ARHGEF3: variants seen among roughly 807,000 people sequenced by gnomAD.
ARHGEF3 encodes 59.8 kDA protein.
A neutral mutation model predicts 63.2 loss-of-function variants in ARHGEF3; 28 were observed. The observed-to-expected ratio is 0.44, with a 90% CI of 0.33 to 0.61. The LOEUF (loss-of-function observed/expected upper bound fraction) is 0.61. Ranked by LOEUF, ARHGEF3 falls within the 20% of genes least tolerant of loss-of-function variation. The pLI is 0.03. For synonymous variants in ARHGEF3, 266 were observed against 254.2 expected, an observed-to-expected ratio of 1.05 and a Z score of -0.44; for missense variants, 533 against 659.3, an observed-to-expected ratio of 0.81 and a Z score of 2.10.
chr3:56,764,014 A>G (rs1257216903), intron 2 of ARHGEF3, among the ~76,000 whole-genome samples: 1 of 152,216 alleles, frequency 6.6e-6, no homozygotes, highest in African/African-American at 2.4e-5. Context: ...TGCAATAAAC[A>G]TAAAACCACA....
At chr3:56,915,208 CTTTGGGAGG>C (rs2041955179) in intron 3 of ARHGEF3, among the ~76,000 whole-genome samples, 1 of 152,028 alleles carries the variant, frequency 6.6e-6, no homozygotes, top group Non-Finnish European at 1.5e-5. Context: ...AACCCCAGCA[CTTTGGGAGG>C]CTGAAGCTTG....
chr3:56,791,728 G>C (rs926086248), intron 1 of ARHGEF3, among the ~76,000 whole-genome samples: 1 of 151,932 alleles, frequency 6.6e-6, no homozygotes, highest in East Asian at 1.9e-4. Context: ...ACCAACATTT[G>C]GGCCCTGCCT....
chr3:56,837,350 C>T (rs2039150384), intron 4 of ARHGEF3, among the ~76,000 whole-genome samples: 1 of 152,164 alleles, frequency 6.6e-6, no homozygotes. Flanking sequence ...GGATCAAACC[C>T]TTGTCTTGTG....
chr3:56,902,491 A>G lies in ARHGEF3; in HGVS notation c.130-20137T>C, dbSNP rs147141172. ...AGAACAGGGCCACCCACAGAACTGTACCCCTCTCCCTACATCCTTTTTAGT... is the reference window on the plus strand; with the variant it reads ...AGAACAGGGCCACCCACAGAACTGTGCCCCTCTCCCTACATCCTTTTTAGT... On this transcript the variant is annotated intron_variant, in intron 3 of 12. Coordinates refer to the ARHGEF3 transcript ENST00000338458. Among the ~76,000 whole-genome samples the G allele has an allele frequency of 2.2e-4, 34 of 152,300 alleles. No homozygotes were observed. In the East Asian group the frequency reaches 5.0e-3, roughly 22 times the overall value.
At chr3:56,873,610 A>G (rs2040500422) in intron 4 of ARHGEF3, among the ~76,000 whole-genome samples, 1 of 152,048 alleles carries the variant, frequency 6.6e-6, no homozygotes, top group East Asian at 1.9e-4. Context: ...AGGTCTCACT[A>G]TATTGCCCAG....
chr3:56,868,077 T>C (rs1300469189), intron 4 of ARHGEF3, among the ~76,000 whole-genome samples: 1 of 152,102 alleles, frequency 6.6e-6, no homozygotes, highest in Non-Finnish European at 1.5e-5. Flanking sequence ...TCAAACAACC[T>C]CGTTCTCCCT....
intron 3 of ARHGEF3, among the ~76,000 whole-genome samples, chr3:56,929,514 C>T (rs1457104378): frequency 6.6e-6 from 1 of 152,200 alleles, no homozygotes; most frequent in Non-Finnish European, 1.5e-5. Context: ...GCTACTGCTT[C>T]AGGTCTTGGG....
intron 4 of ARHGEF3, among the ~76,000 whole-genome samples, chr3:56,869,774 C>T (rs1370890071): frequency 2.6e-5 from 4 of 152,118 alleles, no homozygotes; most frequent in Non-Finnish European, 4.4e-5. Context: ...GTATTATTTA[C>T]ATAATTTTCA....
chr3:57,067,370 G>A (rs1705601696), intron 1 of ARHGEF3, among the ~76,000 whole-genome samples: 1 of 151,290 alleles, frequency 6.6e-6, no homozygotes, highest in South Asian at 2.1e-4. Context: ...CGGGAGAATG[G>A]CGTGAACCCA....
At chr3:56,976,738 G>A (rs777808910) in intron 2 of ARHGEF3, among the ~76,000 whole-genome samples, 2 of 152,202 alleles carry the variant, frequency 1.3e-5, no homozygotes, top group Non-Finnish European at 2.9e-5. Context: ...GTTTTTGGCA[G>A]TGACTGGGGC....
At chr3:56,787,092 G>A (rs1199780798) in intron 1 of ARHGEF3, among the ~76,000 whole-genome samples, 1 of 152,142 alleles carries the variant, frequency 6.6e-6, no homozygotes, top group African/African-American at 2.4e-5. Flanking sequence ...TCTACAGAGG[G>A]GAGGATTCCT....
chr3:57,042,384 G>A (rs1704222768), intron 1 of ARHGEF3, among the ~76,000 whole-genome samples: 1 of 151,940 alleles, frequency 6.6e-6, no homozygotes, highest in Admixed American at 6.6e-5. Flanking sequence ...GTATAATGAT[G>A]TTTCTAGCAA....
intron 2 of ARHGEF3, among the ~76,000 whole-genome samples, chr3:56,991,578 G>A (rs1701747125): frequency 1.3e-5 from 2 of 152,162 alleles, no homozygotes; most frequent in Non-Finnish European, 2.9e-5. Context: ...AGTCTCAAAG[G>A]TTACAGTGTT....
intron 2 of ARHGEF3, among the ~76,000 whole-genome samples, chr3:57,017,872 G>T (rs74925783): frequency 0.014 from 2,065 of 152,308 alleles, 49 homozygotes; most frequent in African/African-American, 0.047. Flanking sequence ...TTCTCTCCCA[G>T]CTCCCAGTGC....
At chr3:56,853,697 T>C (rs1417974065) in intron 4 of ARHGEF3, among the ~76,000 whole-genome samples, 1 of 152,190 alleles carries the variant, frequency 6.6e-6, no homozygotes, top group Non-Finnish European at 1.5e-5. Flanking sequence ...TGCTTTAAAA[T>C]TTATAACACC....
intron 3 of ARHGEF3, among the ~76,000 whole-genome samples, chr3:56,913,536 G>A (rs2041909110): frequency 6.6e-6 from 1 of 152,154 alleles, no homozygotes; most frequent in Non-Finnish European, 1.5e-5. Flanking sequence ...GGAGAAACTG[G>A]AACCCTTGTG....
intron 4 of ARHGEF3, among the ~76,000 whole-genome samples, chr3:56,839,418 GT>G (rs1375570055): frequency 6.6e-6 from 1 of 152,012 alleles, no homozygotes; most frequent in African/African-American, 2.4e-5. Context: ...AAAGAAGACT[GT>G]GTGGTGAAGT....
At chr3:56,988,032 C>T (rs1452231464) in intron 2 of ARHGEF3, among the ~76,000 whole-genome samples, 1 of 152,162 alleles carries the variant, frequency 6.6e-6, no homozygotes, top group Non-Finnish European at 1.5e-5. Context: ...CCTTCACCTG[C>T]TAAGTGACCC....
intron 6 of ARHGEF3, among the ~76,000 whole-genome samples, chr3:56,748,714 C>A (rs1306358745): frequency 6.6e-6 from 1 of 152,096 alleles, no homozygotes; most frequent in African/African-American, 2.4e-5. Context: ...GAAGTTGTTT[C>A]TTTATGCTAG....
Sources: allele counts gnomAD v4.1 joint callset (sites outside exome capture counted in the v4.1 genomes callset), GRCh38; gene constraint gnomAD v4.1.1; transcripts MANE v1.5; gene names NCBI Gene and HGNC (gene_info 2026-07-23, HGNC 2026-07-21).